Variants in SAMMSON observed in about 807,000 individuals in gnomAD.
The protein encoded by SAMMSON is survival associated mitochondrial melanoma specific oncogenic non-coding RNA.
intron 7 of SAMMSON, among the ~76,000 whole-genome samples, chr3:70,334,277 G>A (rs987118297): frequency 1.3e-5 from 2 of 151,574 alleles, no homozygotes; most frequent in African/African-American, 4.8e-5. Context: ...AAAAATATCA[G>A]AATTATTAAG....
chr3:70,289,802 C>G (rs913479287), intron 6 of SAMMSON, among the ~76,000 whole-genome samples: 5 of 152,050 alleles, frequency 3.3e-5, no homozygotes, highest in Non-Finnish European at 5.9e-5. Flanking sequence ...CGCTTCATTT[C>G]ATTCATTTCA....
chr3:70,236,058 T>A (rs1252065460), intron 4 of SAMMSON, among the ~76,000 whole-genome samples: 1 of 152,120 alleles, frequency 6.6e-6, no homozygotes, highest in Non-Finnish European at 1.5e-5. Context: ...TCTTAATGAA[T>A]AATCTTTCCC....
At chr3:70,135,659 G>A (rs1258766816) in intron 4 of SAMMSON, among the ~76,000 whole-genome samples, 1 of 152,084 alleles carries the variant, frequency 6.6e-6, no homozygotes. Context: ...GACACCCACG[G>A]TTAATATCAG....
chr3:70,432,826 T>A (rs1291538256), intron 2 of SAMMSON, among the ~76,000 whole-genome samples: 1 of 152,048 alleles, frequency 6.6e-6, no homozygotes, highest in Non-Finnish European at 1.5e-5. Flanking sequence ...CCTCCCTCTT[T>A]CACCCAGAAT....
chr3:70,026,020 G>C (rs7632596), intron 3 of SAMMSON, among the ~76,000 whole-genome samples: 60,658 of 151,844 alleles, frequency 0.4, 12,540 homozygotes, highest in East Asian at 0.61. Flanking sequence ...AACCCATGTT[G>C]TTCAGGGTAA....
chr3:70,394,559 C>T (rs748579251), downstream of SAMMSON, among the ~76,000 whole-genome samples: 2 of 152,106 alleles, frequency 1.3e-5, no homozygotes, highest in African/African-American at 2.4e-5. Context: ...TGAATATACA[C>T]TGAGCTGCAG....
intron 4 of SAMMSON, among the ~76,000 whole-genome samples, chr3:70,156,923 A>G (rs1310525905): frequency 3.3e-5 from 5 of 152,112 alleles, no homozygotes; most frequent in African/African-American, 1.2e-4. Flanking sequence ...AGAGAGTTCA[A>G]TAGAGTTTAA....
At chr3:70,337,436 T>C (rs1027593583) in intron 7 of SAMMSON, among the ~76,000 whole-genome samples, 1 of 151,764 alleles carries the variant, frequency 6.6e-6, no homozygotes, top group African/African-American at 2.4e-5. Flanking sequence ...TTGTATATTC[T>C]GCTTGATGGC....
chr3:70,031,109 T>C (rs1397073297), intron 3 of SAMMSON, among the ~76,000 whole-genome samples: 4 of 152,156 alleles, frequency 2.6e-5, no homozygotes, highest in Non-Finnish European at 5.9e-5. Flanking sequence ...ATGGCAACAT[T>C]ATCCACAATA....
At chr3:70,169,184 A>T (rs1204655180) in intron 4 of SAMMSON, among the ~76,000 whole-genome samples, 1 of 152,092 alleles carries the variant, frequency 6.6e-6, no homozygotes, top group Non-Finnish European at 1.5e-5. Flanking sequence ...GGTTTTGCTT[A>T]TATTGCTACC....
At chr3:70,186,783 CT>C (rs948611657) in intron 4 of SAMMSON, among the ~76,000 whole-genome samples, 1 of 152,126 alleles carries the variant, frequency 6.6e-6, no homozygotes, top group Non-Finnish European at 1.5e-5. Context: ...ATGAAAGCAA[CT>C]TTGCATTTGT....
chr3:70,270,463 T>C (rs73102621), intron 6 of SAMMSON, among the ~76,000 whole-genome samples: 9,613 of 152,290 alleles, frequency 0.063, 372 homozygotes, highest in South Asian at 0.12. Flanking sequence ...CATTCACTTG[T>C]TGACAGTGGC....
intron 4 of SAMMSON, among the ~76,000 whole-genome samples, chr3:70,118,114 G>A (rs1448760023): frequency 6.6e-6 from 1 of 151,882 alleles, no homozygotes; most frequent in Non-Finnish European, 1.5e-5. Context: ...GTAGAGACGG[G>A]GTTTTTACCA....
intron 7 of SAMMSON, chr3:70,302,566 G>A (rs1407319933): frequency 6.6e-6 from 1 of 152,112 alleles, no homozygotes; most frequent in Non-Finnish European, 1.5e-5. Flanking sequence ...CTATTAAAAG[G>A]TGTAACTTTC....
intron 7 of SAMMSON, among the ~76,000 whole-genome samples, chr3:70,299,212 A>G (rs1451466170): frequency 1.3e-5 from 2 of 152,174 alleles, no homozygotes; most frequent in African/African-American, 4.8e-5. Context: ...ATTATGCAGT[A>G]AATCTATGTT....
rs150918432 is a variant in SAMMSON, at chr3:70,017,246, A to G, written n.417+3574A>G. ...ATGGAATGTTATTCCATTTGTTTGTATCTTCTTTTCTTTCATTGAGCAGTG... is the reference window on the plus strand; with the variant it reads ...ATGGAATGTTATTCCATTTGTTTGTGTCTTCTTTTCTTTCATTGAGCAGTG... On this transcript the variant is annotated intron_variant and non_coding_transcript_variant, in intron 3 of 9. Transcript: ENST00000642114. Among the ~76,000 whole-genome samples the G allele has an allele frequency of 7.6e-3, 1,155 of 152,046 alleles. 6 individuals carry two copies. The highest frequency in any genetic ancestry group is 0.021 in the South Asian group (101 of 4,812).
intron 7 of SAMMSON, among the ~76,000 whole-genome samples, chr3:70,295,413 A>G (rs1035018456): frequency 6.6e-6 from 1 of 152,192 alleles, no homozygotes; most frequent in East Asian, 1.9e-4. Context: ...CTTACATACC[A>G]TAATGAAAGC....
At chr3:70,079,133 T>C (rs2067259046) in intron 4 of SAMMSON, among the ~76,000 whole-genome samples, 2 of 152,212 alleles carry the variant, frequency 1.3e-5, no homozygotes, top group African/African-American at 4.8e-5. Flanking sequence ...TCATGCTCTA[T>C]ATGCTACTGT....
intron 4 of SAMMSON, chr3:70,196,830 C>T (rs1701186345): frequency 2.5e-6 from 1 of 397,336 alleles, no homozygotes; most frequent in African/African-American, 2.1e-5. Context: ...GAAATGTGTA[C>T]AGTCCTTACA....
Sources: gnomAD v4.1 joint callset for allele counts (sites outside exome capture counted in the v4.1 genomes callset) on GRCh38, gnomAD v4.1.1 for gene constraint, MANE v1.5 for transcripts, NCBI Gene and HGNC (gene_info 2026-07-23, HGNC 2026-07-21) for gene names.